The following TM4SF4 variants were observed in gnomAD, a reference collection of about 807,000 sequenced individuals.
The protein encoded by TM4SF4 is transmembrane 4 L six family member 4, also known as transmembrane 4 L6 family member 4.
In TM4SF4, 24 loss-of-function variants were observed where a neutral mutation model predicts 24.1. The ratio of observed to expected loss-of-function variants is 1.00; its 90% confidence interval spans 0.72 to 1.40. TM4SF4 has a LOEUF of 1.40. TM4SF4 is among the 40% of genes most tolerant of loss of function. The probability of loss-of-function intolerance (pLI) is 0.00; values close to 1 mark genes in which losing one functional copy is unlikely to be tolerated. For synonymous variants in TM4SF4, 113 were observed against 97.0 expected (o/e 1.17, Z -0.97); for missense variants, 254 against 254.2 (o/e 1.00, Z 0.01).
chr3:149,497,217 T>C (rs1734327012), intron 3 of TM4SF4, among the ~76,000 whole-genome samples: 1 of 152,218 alleles, frequency 6.6e-6, no homozygotes, highest in Admixed American at 6.5e-5. Flanking sequence ...TGCTAAGCAC[T>C]GATCTAAGCA....
intron 3 of TM4SF4, 95 bp downstream of exon 3, chr3:149,487,850 T>A: frequency 6.6e-7 from 1 of 1,521,986 alleles, no homozygotes; most frequent in Non-Finnish European, 9.0e-7. Context: ...CATGTCTTCA[T>A]CCTTATGCAA....
intron 2 of TM4SF4, among the ~76,000 whole-genome samples, chr3:149,479,711 C>A (rs1269227490): frequency 1.3e-5 from 2 of 152,182 alleles, no homozygotes; most frequent in Non-Finnish European, 2.9e-5. Context: ...GGAAGCCCTG[C>A]AGGTGGAAAG....
rs200100282 is a variant in TM4SF4 at position 149,479,363 on chromosome 3, TTTC to T, written c.264+3454_264+3456del. On this transcript the variant is annotated intron_variant, in intron 2 of 4. Coordinates refer to ENST00000305354, the MANE Select transcript of TM4SF4 (RefSeq NM_004617.4). ...CAATAATCATTTCTTTTTCTTTTCTTTTCTTTTTTTTTTTTTTGAGGTTATTGG... is the reference window on the plus strand; with the variant it reads ...CAATAATCATTTCTTTTTCTTTTCTTTTTTTTTTTTTTTTGAGGTTATTGG... Among the ~76,000 whole-genome samples the T allele has an allele frequency of 6.6e-3, 834 of 126,036 alleles. 13 individuals are homozygous for T. Among genetic ancestry groups the T allele is most frequent in the Admixed American group, 0.049 (623 of 12,692 alleles). 82.7% of individuals were successfully genotyped at this position (126,036 alleles called of 152,430 possible).
At position 149,475,821 on chromosome 3, in the gene TM4SF4, A is replaced by T; in HGVS notation, c.175-2A>T. 6.2e-7 allele frequency: 1 copy of T among 1,608,366 alleles called. No individual in the cohort carries two copies. Among genetic ancestry groups the T allele is most frequent in the Non-Finnish European group, 8.5e-7 (1 of 1,177,490 alleles). ...TCTCTGAGGTGCCTCTTCTCCTGGT[A>T]GATGATCTTCCCTGCGCTGGTGTTC... On this transcript the variant is annotated splice_acceptor_variant, in intron 1 of 4. Coordinates refer to ENST00000305354, the MANE Select transcript of TM4SF4 (RefSeq NM_004617.4). LOFTEE classifies it high-confidence loss of function.
At chr3:149,481,647 A>G (rs1734036235) in intron 2 of TM4SF4, among the ~76,000 whole-genome samples, 1 of 152,178 alleles carries the variant, frequency 6.6e-6, no homozygotes, top group Admixed American at 6.5e-5. Flanking sequence ...AAGCACCTAC[A>G]TGACCCCAGG....
rs747918294 is a variant in TM4SF4, at chr3:149,487,684, A to C, written c.330A>C (p.Ser110=). 3.6e-5 allele frequency: 58 copies of C among 1,613,910 alleles called. No homozygotes were observed. The highest frequency in any genetic ancestry group is 5.3e-5 in the African/African-American group (4 of 74,926). ...GAGCTGGATACTCGTTTATCATCTC[A>C]GCCATTTCAATCAACAAGGGTCCTA... ...FLGAGYSFII[S]AISINKGPKC... is the part of the protein sequence containing the mutation. Residue 110 remains serine (S), a synonymous_variant, in exon 3 of 5, where the codon TCA becomes TCC. Coordinates refer to ENST00000305354, the MANE Select transcript of TM4SF4 (RefSeq NM_004617.4).
rs527400713 is a variant in TM4SF4 at position 149,475,769 on chromosome 3, C to T, written c.175-54C>T. The T allele has an allele frequency of 1.4e-4, 202 of 1,489,194 alleles. 1 individual carries two copies. In the South Asian group the frequency reaches 1.6e-3, roughly 12 times the overall value. The allele number at this position is 1,489,194 out of a possible 1,614,324, so 92.2% of individuals were successfully genotyped here. ...GGCTCCTTATACAGTCAGGCAGGCT[C>T]GGGCCCTCCCTTCAACTCCTGGACT... On this transcript the variant is annotated intron_variant, in intron 1 of 4. Transcript: ENST00000305354.
chr3:149,479,082 T>C (rs924859234), intron 2 of TM4SF4, among the ~76,000 whole-genome samples: 13 of 152,302 alleles, frequency 8.5e-5, no homozygotes, highest in South Asian at 6.2e-4. Context: ...TTCTGTTTTT[T>C]AATCAGCTCC....
chr3:149,495,025 C>T, intron 3 of TM4SF4: 1 of 227,324 alleles, frequency 4.4e-6, no homozygotes, highest in Middle Eastern at 8.0e-4. Flanking sequence ...AAGCCGATAT[C>T]TCCATGGGCA....
At chr3:149,486,019 AC>A (rs947774250) in intron 2 of TM4SF4, among the ~76,000 whole-genome samples, 1 of 152,146 alleles carries the variant, frequency 6.6e-6, no homozygotes, top group African/African-American at 2.4e-5. Flanking sequence ...TATTAAAAAG[AC>A]TTTTTTTAAA....
chr3:149,475,015 C>T lies in TM4SF4; in HGVS notation c.138C>T (p.Ile46=). ...ACAACGACCACCTTTCCCAAGAGATCTGGTTTTTCGGAGGAATATTAGGAA... is the reference window on the plus strand; with the variant it reads ...ACAACGACCACCTTTCCCAAGAGATTTGGTTTTTCGGAGGAATATTAGGAA... The part of the protein sequence containing the change: ...IDDNDHLSQE[I]WFFGGILGSG... The change falls in exon 1 of 5, where the codon ATC becomes ATT. Residue 46 remains isoleucine (I), a synonymous_variant. Transcript: ENST00000305354. The T allele has an allele frequency of 6.2e-7, 1 of 1,613,716 alleles. No individual in the cohort carries two copies. Among genetic ancestry groups the T allele is most frequent in the Non-Finnish European group, 8.5e-7 (1 of 1,179,806 alleles).
intron 4 of TM4SF4, 142 bp downstream of exon 4, chr3:149,499,053 G>A: frequency 1.3e-6 from 1 of 774,518 alleles, no homozygotes; most frequent in South Asian, 1.9e-5. Flanking sequence ...AGCCCAGGTT[G>A]GGAAGCCCAG....
At chr3:149,478,601 A>G (rs1439003932) in intron 2 of TM4SF4, among the ~76,000 whole-genome samples, 3 of 152,208 alleles carry the variant, frequency 2.0e-5, no homozygotes, top group African/African-American at 7.2e-5. Context: ...AACTCCTCCA[A>G]ATGACCAACT....
chr3:149,487,980 C>G (rs770431615), intron 3 of TM4SF4, among the ~76,000 whole-genome samples: 5 of 152,202 alleles, frequency 3.3e-5, no homozygotes, highest in African/African-American at 4.8e-5. Flanking sequence ...TAAAAGAGGA[C>G]GGATGCCTCC....
At chr3:149,490,481 G>T (rs1256916160) in intron 3 of TM4SF4, among the ~76,000 whole-genome samples, 1 of 152,198 alleles carries the variant, frequency 6.6e-6, no homozygotes, top group Non-Finnish European at 1.5e-5. Flanking sequence ...GGACAGCCAA[G>T]GCCCAGAGAG....
chr3:149,490,603 T>A (rs148842137), intron 3 of TM4SF4, among the ~76,000 whole-genome samples: 1 of 152,220 alleles, frequency 6.6e-6, no homozygotes, highest in Non-Finnish European at 1.5e-5. Flanking sequence ...TATTGACTCA[T>A]ATTGTCTGCT....
At chr3:149,480,388 G>T (rs1436266949) in intron 2 of TM4SF4, among the ~76,000 whole-genome samples, 1 of 152,158 alleles carries the variant, frequency 6.6e-6, no homozygotes, top group Admixed American at 6.5e-5. Context: ...TTAATAATGA[G>T]ACCAAAGGTA....
At chr3:149,487,275 A>G (rs1197329964) in intron 2 of TM4SF4, among the ~76,000 whole-genome samples, 2 of 152,172 alleles carry the variant, frequency 1.3e-5, no homozygotes, top group South Asian at 2.1e-4. Context: ...GATTACGCCA[A>G]TCCTAAGGTT....
intron 3 of TM4SF4, among the ~76,000 whole-genome samples, chr3:149,493,183 A>G (rs1353449981): frequency 6.6e-6 from 1 of 152,196 alleles, no homozygotes; most frequent in Non-Finnish European, 1.5e-5. Flanking sequence ...TTATGCATTA[A>G]AACTTTAAAA....
Sources: gnomAD v4.1 joint callset for allele counts (sites outside exome capture counted in the v4.1 genomes callset) on GRCh38, gnomAD v4.1.1 for gene constraint, MANE v1.5 for transcripts, NCBI Gene and HGNC (gene_info 2026-07-23, HGNC 2026-07-21) for gene names.